Variants in MTA1 observed in about 807,000 individuals in gnomAD.
MTA1 encodes metastasis associated 1.
In MTA1, 15 loss-of-function variants were observed where a neutral mutation model predicts 97.0. That is an observed-to-expected ratio of 0.15 (90% CI 0.10 to 0.24). The LOEUF (loss-of-function observed/expected upper bound fraction) is 0.24. Ranked by LOEUF, MTA1 falls within the 10% of genes least tolerant of loss-of-function variation. The probability of loss-of-function intolerance (pLI) is 1.00; values close to 1 mark genes in which losing one functional copy is unlikely to be tolerated. For synonymous variants in MTA1, 435 were observed against 417.5 expected (o/e 1.04, Z -0.51); for missense variants, 709 against 1,015.1 (o/e 0.70, Z 4.10).
Position 105,470,060 on chromosome 14 carries a change from C to G in MTA1, c.1998-5C>G. 1.2e-6 allele frequency: 2 copies of G among 1,612,616 alleles called. No homozygotes were observed. Among genetic ancestry groups the G allele is most frequent in the East Asian group, 2.2e-5 (1 of 44,874 alleles). On this transcript the variant is annotated splice_region_variant and splice_polypyrimidine_tract_variant and intron_variant, in intron 20 of 20. Coordinates refer to ENST00000331320, the MANE Select transcript of MTA1 (RefSeq NM_004689.4). Reference sequence around the variant, plus strand: ...CCCGGCCCTCACCACCACCTCTGCCCACAGGAAGATCCGCAAGCTGCTCTC... The same window carrying G: ...CCCGGCCCTCACCACCACCTCTGCCGACAGGAAGATCCGCAAGCTGCTCTC...
intron 18 of MTA1, chr14:105,467,715 C>T: frequency 2.9e-6 from 1 of 348,898 alleles, no homozygotes. Flanking sequence ...GGGGCTGCCC[C>T]CATTGCCTAG....
At chr14:105,441,598 T>C (rs2082519924) in intron 2 of MTA1, among the ~76,000 whole-genome samples, 2 of 152,116 alleles carry the variant, frequency 1.3e-5, no homozygotes, top group East Asian at 3.9e-4. Flanking sequence ...ATCGAGACCA[T>C]CCTGGCTAAT....
intron 3 of MTA1, among the ~76,000 whole-genome samples, chr14:105,448,159 C>A (rs1187237836): frequency 2.0e-5 from 3 of 152,064 alleles, no homozygotes; most frequent in Non-Finnish European, 4.4e-5. Context: ...GCCCTGGAGA[C>A]CACAGCCAAG....
rs1396683117 is a variant in MTA1 at position 105,467,029 on chromosome 14, G to A, written c.1813+287G>A. On this transcript the variant is annotated intron_variant, in intron 18 of 20. Coordinates refer to ENST00000331320, the MANE Select transcript of MTA1 (RefSeq NM_004689.4). ...CCCTGCCTGCGCTGTCTGCCATCGC[G>A]CTGTGACTGCCCGCATGCTGCCAGC... is the stretch of plus-strand genomic sequence containing the variant. 9 of 541,330 alleles carry A rather than the reference G, an allele frequency of 1.7e-5. No homozygotes were observed. In the Admixed American group the frequency reaches 1.7e-4, roughly 10 times the overall value. 33.5% of individuals were successfully genotyped at this position (541,330 alleles called of 1,614,324 possible). A position where few individuals can be genotyped will look rare whatever the true frequency, so the allele number is the denominator to read the frequency against.
chr14:105,455,451 C>T (rs1481060897), intron 7 of MTA1, among the ~76,000 whole-genome samples: 3 of 152,344 alleles, frequency 2.0e-5, no homozygotes, highest in East Asian at 1.9e-4. Flanking sequence ...TGGGCAAGGC[C>T]GCGAGGCTGC....
Position 105,458,150 on chromosome 14 carries a change from A to G in MTA1, c.551-120A>G, listed in dbSNP as rs746290112. 1.2e-5 allele frequency: 9 copies of G among 756,726 alleles called. No homozygotes were observed. The South Asian group carries it at 1.3e-4, about 11-fold the overall frequency. 46.9% of individuals were successfully genotyped at this position (756,726 alleles called of 1,614,324 possible). A position where few individuals can be genotyped will look rare whatever the true frequency, so the allele number is the denominator to read the frequency against. ...CCAGCCTTGCACCCTGGCCTCACCT[A>G]TGGGGCCCTGCAGCCCTTCCCCCTC... is the stretch of plus-strand genomic sequence containing the variant. On this transcript the variant is annotated intron_variant, in intron 7 of 20. Coordinates refer to ENST00000331320, the MANE Select transcript of MTA1 (RefSeq NM_004689.4).
Position 105,469,426 on chromosome 14 carries a change from GCT to G in MTA1, c.1814-35_1814-34del, listed in dbSNP as rs782294682. 4.3e-6 allele frequency: 7 copies of G among 1,609,758 alleles called. No individual in the cohort carries two copies. The African/African-American group carries it at 9.3e-5, about 21-fold the overall frequency. On this transcript the variant is annotated intron_variant, in intron 18 of 20. Coordinates refer to ENST00000331320, the MANE Select transcript of MTA1 (RefSeq NM_004689.4). The stretch of plus-strand genomic sequence containing the variant: ...GGTGGGCGGTGGGAGTGCAGGACGC[GCT>G]CTCTCGGGGCCTCATTTCTCTCCTC...
rs2141652697 is a variant in MTA1 at position 105,460,464 on chromosome 14, G to A, written c.753+7G>A. On this transcript the variant is annotated splice_region_variant and intron_variant, in intron 9 of 20. Transcript: ENST00000331320. Reference sequence around the variant, plus strand: ...CTCCCGAGACATCACCCTGGTAAGTGGGCCCAGGGCGGGACAGGTGAGACC... The same window carrying A: ...CTCCCGAGACATCACCCTGGTAAGTAGGCCCAGGGCGGGACAGGTGAGACC... 1 of 1,604,852 alleles carries A rather than the reference G, an allele frequency of 6.2e-7. No individual in the cohort carries two copies. The highest frequency in any genetic ancestry group is 8.5e-7 in the Non-Finnish European group (1 of 1,176,410).
At chr14:105,428,482 G>A (rs1433350396) in intron 1 of MTA1, among the ~76,000 whole-genome samples, 1 of 152,062 alleles carries the variant, frequency 6.6e-6, no homozygotes, top group African/African-American at 2.4e-5. Flanking sequence ...TGTCTAGGCT[G>A]GTCTCGAACT....
rs79512771 is a variant in MTA1 at position 105,463,455 on chromosome 14, C to T, written c.1018-38C>T. 2.5e-6 allele frequency: 4 copies of T among 1,610,982 alleles called. No individual in the cohort carries two copies. Among genetic ancestry groups the T allele is most frequent in the Non-Finnish European group, 3.4e-6 (4 of 1,178,156 alleles). ...TCTGCACTGCAGCCCCAACCTGGGC[C>T]TAGCCTGCTGACCTCTGACCTTCTC... On this transcript the variant is annotated intron_variant, in intron 11 of 20. Coordinates refer to ENST00000331320, the MANE Select transcript of MTA1 (RefSeq NM_004689.4). This position sits in a 1 kb window ranked among gnomAD's most constrained non-coding sequence, Gnocchi z 5.9.
chr14:105,445,793 C>T, intron 3 of MTA1: 1 of 526,120 alleles, frequency 1.9e-6, no homozygotes, highest in Non-Finnish European at 3.6e-6. Context: ...TGGGTGTGGG[C>T]ATCATTGATC....
chr14:105,422,014 AG>A lies in MTA1; in HGVS notation c.28+1953del, dbSNP rs1414557878. On this transcript the variant is annotated intron_variant, in intron 1 of 20. Coordinates refer to ENST00000331320, the MANE Select transcript of MTA1 (RefSeq NM_004689.4). The surrounding 1 kb of genome is among the most constrained non-coding windows in gnomAD (Gnocchi z 4.3). The stretch of plus-strand genomic sequence containing the variant: ...CTTTTCCTGTGATGAGGAGCATGGG[AG>A]GTTGGGTGCTGTCTGCTGGCAGCAC... Among the ~76,000 whole-genome samples the A allele has an allele frequency of 6.6e-6, 1 of 152,108 alleles. No individual in the cohort carries two copies. Among genetic ancestry groups the A allele is most frequent in the Non-Finnish European group, 1.5e-5 (1 of 68,014 alleles).
chr14:105,431,217 C>G (rs1447117910), intron 1 of MTA1, among the ~76,000 whole-genome samples: 3 of 152,132 alleles, frequency 2.0e-5, no homozygotes, highest in African/African-American at 7.2e-5. Context: ...CGCCCACCAC[C>G]ACGCACAGTT....
Position 105,463,271 on chromosome 14 carries a change from G to T in MTA1, c.1017+13G>T. The stretch of plus-strand genomic sequence containing the variant: ...ATACGTGCAGCAGGTGAGCCCGCCC[G>T]CCACTCAGTGCCCGGGGTGTGCCGC... On this transcript the variant is annotated intron_variant, in intron 11 of 20. Transcript: ENST00000331320. This position sits in a 1 kb window ranked among gnomAD's most constrained non-coding sequence, Gnocchi z 5.9. The T allele has an allele frequency of 6.2e-7, 1 of 1,610,098 alleles. No individual in the cohort carries two copies. The highest frequency in any genetic ancestry group is 8.5e-7 in the Non-Finnish European group (1 of 1,179,588).
chr14:105,425,617 G>A (rs782672866), intron 1 of MTA1, among the ~76,000 whole-genome samples: 32 of 152,070 alleles, frequency 2.1e-4, no homozygotes, highest in Non-Finnish European at 3.7e-4. Context: ...TTCCTCGTGT[G>A]CTACCTGGGC....
At chr14:105,464,618 G>A (rs782186791) in intron 14 of MTA1, 51 bp downstream of exon 14, 2 of 1,609,792 alleles carry the variant, frequency 1.2e-6, no homozygotes, top group East Asian at 2.2e-5. Flanking sequence ...CGGCCACGCG[G>A]GTCCTCGGCC....
At chr14:105,459,051 G>C (rs1418030012) in intron 8 of MTA1, among the ~76,000 whole-genome samples, 1 of 149,340 alleles carries the variant, frequency 6.7e-6, no homozygotes, top group Admixed American at 6.6e-5. Context: ...CTGGTCCCTG[G>C]GGAGCTGTGT....
At position 105,463,583 on chromosome 14, in the gene MTA1, G is replaced by A; in HGVS notation, c.1076+32G>A. The A allele has an allele frequency of 6.2e-7, 1 of 1,608,658 alleles. No homozygotes were observed. Among genetic ancestry groups the A allele is most frequent in the Non-Finnish European group, 8.5e-7 (1 of 1,176,312 alleles). On this transcript the variant is annotated intron_variant, in intron 12 of 20. Transcript: ENST00000331320. This position sits in a 1 kb window ranked among gnomAD's most constrained non-coding sequence, Gnocchi z 5.9. ...GTGCCCTCACAGCCGTCGTCCTCGTGGCCCCGGGGGCCAGGGAGGGTGGGC... is the reference window on the plus strand; with the variant it reads ...GTGCCCTCACAGCCGTCGTCCTCGTAGCCCCGGGGGCCAGGGAGGGTGGGC...
At position 105,460,619 on chromosome 14, in the gene MTA1, C is replaced by T. The variant is rs587726191; in HGVS notation, c.754-146C>T. 148 of 1,202,138 alleles carry T rather than the reference C, an allele frequency of 1.2e-4. 1 individual carries two copies. In the African/African-American group the frequency reaches 2.1e-3, roughly 17 times the overall value. The allele number at this position is 1,202,138 out of a possible 1,614,324, so 74.5% of individuals were successfully genotyped here. A position where few individuals can be genotyped will look rare whatever the true frequency, so the allele number is the denominator to read the frequency against. On this transcript the variant is annotated intron_variant, in intron 9 of 20. Coordinates refer to ENST00000331320, the MANE Select transcript of MTA1 (RefSeq NM_004689.4). ...TGGCCTTTCCTATCCACCCCAAACT[C>T]GGCCAGACTGTGCTGAGGGTGCAGG... is the stretch of plus-strand genomic sequence containing the variant.
Sources: gnomAD v4.1 joint callset for allele counts (sites outside exome capture counted in the v4.1 genomes callset) on GRCh38, gnomAD v4.1.1 for gene constraint, Gnocchi (gnomAD v3.1) non-coding constraint, MANE v1.5 for transcripts, NCBI Gene and HGNC (gene_info 2026-07-23, HGNC 2026-07-21) for gene names.